SYCP2L: variants seen among roughly 807,000 people sequenced by gnomAD.
SYCP2L encodes the protein synaptonemal complex protein 2 like.
Under a neutral mutation model 125.8 loss-of-function variants are expected in SYCP2L, and 98 were observed. The observed-to-expected ratio is 0.78, with a 90% CI of 0.66 to 0.92. The LOEUF is 0.92. Among genes scored for constraint, SYCP2L ranks in the 40% least tolerant of loss-of-function variants. The pLI is 0.00. For missense variants in SYCP2L, 842 were observed against 936.4 expected (o/e 0.90, Z 1.32); for synonymous variants, 317 against 325.4 (o/e 0.97, Z 0.28).
chr6:10,958,733 T>C (rs1330438167), intron 25 of SYCP2L, 51 bp from the exon 26 acceptor site: 2 of 1,521,202 alleles, frequency 1.3e-6, no homozygotes, highest in South Asian at 2.3e-5. Context: ...TGCACTCAAC[T>C]TATGTAATTA....
intron 10 of SYCP2L, among the ~76,000 whole-genome samples, chr6:10,908,893 G>A (rs1300713099): frequency 6.6e-6 from 1 of 152,140 alleles, no homozygotes; most frequent in East Asian, 1.9e-4. Flanking sequence ...TGTGAAGCCT[G>A]AGTGACCTCA....
chr6:10,910,254 A>G (rs1380125857), intron 11 of SYCP2L, 54 bp downstream of exon 11: 16 of 1,510,128 alleles, frequency 1.1e-5, no homozygotes, highest in Non-Finnish European at 1.3e-5. Flanking sequence ...AATGTCTAAT[A>G]TTTTAAAAGA....
chr6:10,944,956 T>C (rs1561696701), intron 23 of SYCP2L, among the ~76,000 whole-genome samples: 1 of 152,116 alleles, frequency 6.6e-6, no homozygotes, highest in Non-Finnish European at 1.5e-5. Context: ...TCAGGTGATC[T>C]GCCTGCCTCG....
chr6:10,930,911 G>A (rs547777643), intron 19 of SYCP2L, among the ~76,000 whole-genome samples: 7 of 152,332 alleles, frequency 4.6e-5, no homozygotes, highest in African/African-American at 9.6e-5. Context: ...GGTGGCTCAC[G>A]CCTCTAATCC....
At chr6:10,887,394 G>A (rs994363872) in intron 1 of SYCP2L, among the ~76,000 whole-genome samples, 3 of 152,204 alleles carry the variant, frequency 2.0e-5, no homozygotes, top group Admixed American at 6.5e-5. Context: ...TGTTCGGAAA[G>A]CAATGAGATA....
At position 10,942,761 on chromosome 6, in the gene SYCP2L, CTTTTT is replaced by C; in HGVS notation, c.1954+27_1954+31del. The C allele has an allele frequency of 1.2e-5, 17 of 1,408,110 alleles. No homozygotes were observed. Among genetic ancestry groups the C allele is most frequent in the Admixed American group, 5.0e-5 (2 of 40,224 alleles). The allele number at this position is 1,408,110 out of a possible 1,614,324, so 87.2% of individuals were successfully genotyped here. On this transcript the variant is annotated intron_variant, in intron 23 of 29. Coordinates refer to ENST00000283141, the MANE Select transcript of SYCP2L (RefSeq NM_001040274.3). ...GGAAGACAAAGGTAAGAGAATAGTA[CTTTTT>C]TTTTTTTTTTTGCAGAATAAAATGA...
chr6:10,948,873 A>G (rs1781361688), intron 23 of SYCP2L, among the ~76,000 whole-genome samples: 1 of 152,192 alleles, frequency 6.6e-6, no homozygotes, highest in South Asian at 2.1e-4. Context: ...AGCCACTGAT[A>G]TACCCAAGTT....
At chr6:10,892,218 A>G (rs1011780057) in intron 2 of SYCP2L, among the ~76,000 whole-genome samples, 2 of 152,236 alleles carry the variant, frequency 1.3e-5, no homozygotes, top group Non-Finnish European at 2.9e-5. Flanking sequence ...AGGAGGTCAG[A>G]CTGTCAGAGA....
intron 8 of SYCP2L, among the ~76,000 whole-genome samples, chr6:10,905,268 A>G (rs900524023): frequency 1.3e-5 from 2 of 151,422 alleles, no homozygotes; most frequent in African/African-American, 4.8e-5. Flanking sequence ...ACTTAATTCT[A>G]TTACATCTCT....
At chr6:10,899,008 C>T (rs1237597300) in intron 6 of SYCP2L, among the ~76,000 whole-genome samples, 160 bp downstream of exon 6, 3 of 152,130 alleles carry the variant, frequency 2.0e-5, no homozygotes, top group African/African-American at 7.2e-5. Context: ...TTTGGAAATG[C>T]ATTTCATTGT....
chr6:10,934,865 C>T (rs1166244495), intron 20 of SYCP2L, among the ~76,000 whole-genome samples, 193 bp from the exon 21 acceptor site: 2 of 152,050 alleles, frequency 1.3e-5, no homozygotes, highest in African/African-American at 4.8e-5. Context: ...AGATTCAGTA[C>T]CATGGCATTA....
chr6:10,926,655 G>A (rs954562113), intron 16 of SYCP2L, among the ~76,000 whole-genome samples: 3 of 152,172 alleles, frequency 2.0e-5, no homozygotes, highest in East Asian at 1.9e-4. Context: ...GATGGGGTTT[G>A]GGGGAGGCAG....
In SYCP2L at chr6:10,912,666, C is replaced by A; in HGVS notation, c.919-7C>A. 1 of 1,607,408 alleles carries A rather than the reference C, an allele frequency of 6.2e-7. No individual in the cohort carries two copies. Among genetic ancestry groups the A allele is most frequent in the Non-Finnish European group, 8.5e-7 (1 of 1,175,522 alleles). ...TGTATAAGTCATGCTGAAATGATCT[C>A]TTACAGATGAGAAAACCAGCGGATG... On this transcript the variant is annotated splice_polypyrimidine_tract_variant and splice_region_variant and intron_variant, in intron 12 of 29. Transcript: ENST00000283141. This position sits in a 1 kb window ranked among gnomAD's most constrained non-coding sequence, Gnocchi z 4.1.
chr6:10,905,355 C>T (rs960102462), intron 8 of SYCP2L, among the ~76,000 whole-genome samples: 10 of 151,392 alleles, frequency 6.6e-5, no homozygotes, highest in Non-Finnish European at 1.3e-4. Context: ...TGCAATGGCA[C>T]GCTCTCGGCT....
chr6:10,956,280 G>T (rs367592743), intron 25 of SYCP2L, 38 bp downstream of exon 25: 1 of 1,414,610 alleles, frequency 7.1e-7, no homozygotes, highest in African/African-American at 1.4e-5. Flanking sequence ...AGAGCGTTAT[G>T]AATCTGGAGG....
intron 2 of SYCP2L, among the ~76,000 whole-genome samples, chr6:10,893,240 C>T (rs552280577): frequency 3.3e-5 from 5 of 152,250 alleles, no homozygotes; most frequent in Admixed American, 2.0e-4. Context: ...TCAGGTGATT[C>T]GCCTGCCTTG....
intron 6 of SYCP2L, among the ~76,000 whole-genome samples, chr6:10,899,364 A>G (rs139772574): frequency 6.6e-6 from 1 of 152,222 alleles, no homozygotes; most frequent in Non-Finnish European, 1.5e-5. Context: ...CCTGGGCAAC[A>G]TAGTGAGACC....
chr6:10,957,454 A>G (rs529080261), intron 25 of SYCP2L, among the ~76,000 whole-genome samples: 11 of 152,182 alleles, frequency 7.2e-5, no homozygotes, highest in Non-Finnish European at 1.2e-4. Context: ...GAACTACCAG[A>G]AAGCAATGAT....
intron 29 of SYCP2L, 26 bp downstream of exon 29, chr6:10,963,869 A>T: frequency 6.3e-7 from 1 of 1,578,370 alleles, no homozygotes; most frequent in Non-Finnish European, 8.7e-7. Flanking sequence ...TGCATTGTTC[A>T]GTGGATGTGA....
Sources: allele counts gnomAD v4.1 joint callset (sites outside exome capture counted in the v4.1 genomes callset), GRCh38; gene constraint gnomAD v4.1.1; non-coding constraint Gnocchi (gnomAD v3.1); transcripts MANE v1.5; gene names NCBI Gene and HGNC (gene_info 2026-07-23, HGNC 2026-07-21).